Variants in SVEP1 observed in about 807,000 individuals in gnomAD.
The protein encoded by SVEP1 is sushi, von Willebrand factor type A, EGF and pentraxin domain containing 1, also known as sushi, von Willebrand factor type A, EGF and pentraxin domain-containing protein 1.
In SVEP1, 164 loss-of-function variants were observed where a neutral mutation model predicts 367.3. That is an observed-to-expected ratio of 0.45 (90% CI 0.39 to 0.51). SVEP1 has a LOEUF of 0.51. Among genes scored for constraint, SVEP1 ranks in the 20% least tolerant of loss-of-function variants. The pLI is 0.00. For missense variants in SVEP1, 4,117 were observed against 4,425.3 expected (o/e 0.93, Z 1.98); for synonymous variants, 1,666 against 1,611.6 (o/e 1.03, Z -0.81).
intron 17 of SVEP1, among the ~76,000 whole-genome samples, chr9:110,467,689 G>A (rs1828958219): frequency 6.7e-6 from 1 of 149,138 alleles, no homozygotes; most frequent in African/African-American, 2.5e-5. Context: ...AGGCTGGAGT[G>A]CAGTGGTGCG....
intron 3 of SVEP1, among the ~76,000 whole-genome samples, chr9:110,522,091 T>C (rs1174578592): frequency 6.6e-6 from 1 of 152,184 alleles, no homozygotes; most frequent in African/African-American, 2.4e-5. Flanking sequence ...ACATGACTTA[T>C]TGTACTCTTC....
intron 40 of SVEP1, among the ~76,000 whole-genome samples, chr9:110,394,415 A>G (rs1414074235): frequency 6.6e-6 from 1 of 152,188 alleles, no homozygotes; most frequent in Non-Finnish European, 1.5e-5. Context: ...AACAGAGCAG[A>G]ATAACTGGAA....
intron 8 of SVEP1, among the ~76,000 whole-genome samples, chr9:110,493,145 A>T (rs1829395533): frequency 6.6e-6 from 1 of 151,538 alleles, no homozygotes; most frequent in Admixed American, 6.6e-5. Context: ...CAGTGCTTGG[A>T]GCTAAGGGGA....
chr9:110,368,547 G>C (rs1408858065), intron 47 of SVEP1, among the ~76,000 whole-genome samples: 4 of 152,158 alleles, frequency 2.6e-5, no homozygotes, highest in Non-Finnish European at 5.9e-5. Flanking sequence ...AATCAAGAAA[G>C]AACTCCTATC....
rs144816990 is a variant in SVEP1 at position 110,524,065 on chromosome 9, C to T, written c.965-9959G>A. On this transcript the variant is annotated intron_variant, in intron 3 of 47. Transcript: ENST00000374469. ...TATCTGACAACTCAAATGAAACAGA[C>T]CAATTCATCAAAAATTATAAACTAT... is the stretch of plus-strand genomic sequence containing the variant. Among the ~76,000 whole-genome samples, 67 of 152,096 alleles carry T rather than the reference C, an allele frequency of 4.4e-4. No individual in the cohort carries two copies. In the East Asian group the frequency reaches 0.012, roughly 26 times the overall value.
At chr9:110,468,842 A>G (rs1375405718) in intron 17 of SVEP1, 98 bp downstream of exon 17, 2 of 1,237,328 alleles carry the variant, frequency 1.6e-6, no homozygotes, top group Non-Finnish European at 2.2e-6. Context: ...GCCTCAGACA[A>G]GAGCCGAGTG....
intron 1 of SVEP1, among the ~76,000 whole-genome samples, chr9:110,567,516 A>G (rs1300549520): frequency 6.6e-6 from 1 of 152,204 alleles, no homozygotes; most frequent in Non-Finnish European, 1.5e-5. Flanking sequence ...AGAAAAAGGC[A>G]TTGGTCCTTT....
At chr9:110,534,888 GT>G (rs1164039608) in intron 3 of SVEP1, among the ~76,000 whole-genome samples, 8 of 151,792 alleles carry the variant, frequency 5.3e-5, no homozygotes, top group African/African-American at 1.9e-4. Flanking sequence ...TTGTAAATTT[GT>G]TTAAGTTCCT....
intron 18 of SVEP1, among the ~76,000 whole-genome samples, chr9:110,461,459 T>C (rs1264061307): frequency 6.6e-6 from 1 of 152,192 alleles, no homozygotes; most frequent in Non-Finnish European, 1.5e-5. Flanking sequence ...AACATCCTTA[T>C]CATTTAGGGT....
chr9:110,536,997 T>C (rs1022724580), intron 3 of SVEP1, among the ~76,000 whole-genome samples: 3 of 151,994 alleles, frequency 2.0e-5, no homozygotes, highest in African/African-American at 4.8e-5. Context: ...TTGCGATGAT[T>C]GTGTAACAAC....
In SVEP1 at chr9:110,438,986, C is replaced by A. The variant is rs117152904; in HGVS notation, c.4640-2482G>T. 5.9e-5 allele frequency among the ~76,000 whole-genome samples: 9 copies of A among 152,308 alleles called. No individual in the cohort carries two copies. In the East Asian group the frequency reaches 1.7e-3, roughly 29 times the overall value. Reference sequence around the variant, plus strand: ...CCATATACACAATCTTTTCCCCTCTCACCAACTCCGTTTTTTAGAATTCTT... The same window carrying A: ...CCATATACACAATCTTTTCCCCTCTAACCAACTCCGTTTTTTAGAATTCTT... On this transcript the variant is annotated intron_variant, in intron 27 of 47. Coordinates refer to ENST00000374469, the MANE Select transcript of SVEP1 (RefSeq NM_153366.4).
At chr9:110,466,988 T>C (rs1303670123) in intron 17 of SVEP1, among the ~76,000 whole-genome samples, 1 of 152,082 alleles carries the variant, frequency 6.6e-6, no homozygotes, top group Admixed American at 6.5e-5. Context: ...CTGGCCTTTC[T>C]TTCTGCTTTT....
intron 3 of SVEP1, among the ~76,000 whole-genome samples, chr9:110,525,035 G>A (rs1230436781): frequency 1.3e-5 from 2 of 152,058 alleles, no homozygotes; most frequent in Non-Finnish European, 2.9e-5. Flanking sequence ...AAGTCCAAAT[G>A]TTTTCCCCTT....
At chr9:110,576,249 A>T (rs1564181010) in intron 1 of SVEP1, among the ~76,000 whole-genome samples, 1 of 151,816 alleles carries the variant, frequency 6.6e-6, no homozygotes, top group Non-Finnish European at 1.5e-5. Flanking sequence ...ACACACACAC[A>T]CTCACACACA....
rs150232127 is a variant in SVEP1 at position 110,445,998 on chromosome 9, G to A, written c.4302C>T (p.Gly1434=). ...CATCTAGCATGACATATCCATAGAT[G>A]CCAGAAACTTCAAAATCCAGGTTAA... ...TGFNLDFEVS[G]IYGYVMLDGM... is the part of the protein sequence containing the mutation. Residue 1434 remains glycine (G), a synonymous_variant, in exon 26 of 48, where the codon GGC becomes GGT. Transcript: ENST00000374469. The A allele has an allele frequency of 3.5e-4, 572 of 1,613,668 alleles. 2 individuals carry two copies. The Middle Eastern group carries it at 6.3e-3, about 18-fold the overall frequency.
intron 1 of SVEP1, among the ~76,000 whole-genome samples, chr9:110,550,492 A>G (rs1363390655): frequency 6.7e-6 from 1 of 150,120 alleles, no homozygotes; most frequent in East Asian, 1.9e-4. Flanking sequence ...CTATCTATCT[A>G]TCTATCTATC....
At chr9:110,542,686 AATACCTACCTC>A (rs1247763147) in intron 3 of SVEP1, among the ~76,000 whole-genome samples, 2 of 152,240 alleles carry the variant, frequency 1.3e-5, no homozygotes, top group East Asian at 3.9e-4. Flanking sequence ...CTCACTATTG[AATACCTACCTC>A]ATACCTAGCA....
intron 42 of SVEP1, among the ~76,000 whole-genome samples, 179 bp from the exon 43 acceptor site, chr9:110,386,253 T>A (rs1470945072): frequency 6.6e-6 from 1 of 152,176 alleles, no homozygotes; most frequent in Non-Finnish European, 1.5e-5. Flanking sequence ...TGAAATTATG[T>A]GTAAAGATAA....
chr9:110,439,955 CTTT>C (rs999446912), intron 27 of SVEP1, among the ~76,000 whole-genome samples: 2 of 151,966 alleles, frequency 1.3e-5, no homozygotes, highest in Non-Finnish European at 2.9e-5. Flanking sequence ...GATAAAAATG[CTTT>C]TTTTAACCAG....
Sources: gnomAD v4.1 joint callset for allele counts (sites outside exome capture counted in the v4.1 genomes callset) on GRCh38, gnomAD v4.1.1 for gene constraint, MANE v1.5 for transcripts, NCBI Gene and HGNC (gene_info 2026-07-23, HGNC 2026-07-21) for gene names.